The following C10orf105 variants were observed in gnomAD, a reference collection of about 807,000 sequenced individuals.
The protein encoded by C10orf105 is uncharacterized protein C10orf105.
Under a neutral mutation model 0.6 loss-of-function variants are expected in C10orf105, and 2 were observed. The observed-to-expected ratio is 3.18, with a 90% CI of 1.30 to 10.01. The LOEUF (loss-of-function observed/expected upper bound fraction) is 10.01. Among genes scored for constraint, C10orf105 ranks in the 30% most tolerant of loss-of-function variants. The probability of loss-of-function intolerance (pLI) is 0.04; values close to 1 mark genes in which losing one functional copy is unlikely to be tolerated. For synonymous variants in C10orf105, 95 were observed against 82.4 expected (o/e 1.15, Z -0.83); for missense variants, 209 against 191.4 (o/e 1.09, Z -0.54).
chr10:71,722,588 G>C (rs1448033524), upstream of C10orf105, among the ~76,000 whole-genome samples: 1 of 152,204 alleles, frequency 6.6e-6, no homozygotes, highest in African/African-American at 2.4e-5. Flanking sequence ...CTTCCTGTGG[G>C]GATATGGGCA....
Position 71,716,049 on chromosome 10 carries a change from G to A in C10orf105, c.289C>T (p.Arg97Cys), listed in dbSNP as rs376837205. 45 of 1,508,292 alleles carry A rather than the reference G, an allele frequency of 3.0e-5. No individual in the cohort carries two copies. The highest frequency in any genetic ancestry group is 2.8e-4 in the South Asian group (22 of 77,716). The allele number at this position is 1,508,292 out of a possible 1,614,324, so 93.4% of individuals were successfully genotyped here. ...LRLWKRLGSL[R>C]LSLHSFRHGR... Reference sequence around the variant, plus strand: ...TGGCGGAAGCTGTGCAGGGAGAGGCGCAAGGAGCCCAGGCGCTTCCAGAGC... The same window carrying A: ...TGGCGGAAGCTGTGCAGGGAGAGGCACAAGGAGCCCAGGCGCTTCCAGAGC... Residue 97 changes from arginine to cysteine, a missense_variant, in exon 2 of 2, where the codon CGC becomes TGC. Arg to Cys is a radical substitution (Grantham distance 180). Coordinates refer to ENST00000441508, the MANE Select transcript of C10orf105 (RefSeq NM_001164375.3).
chr10:71,734,496 C>A (rs192911878), intron 1 of C10orf105: 387 of 972,446 alleles, frequency 4.0e-4, no homozygotes, highest in Non-Finnish European at 4.6e-4. Context: ...CCATGCCACA[C>A]CTTCCCAGCA....
Position 71,713,728 on chromosome 10 carries a change from A to T in C10orf105, c.*2208T>A, listed in dbSNP as rs1866088627. On this transcript the variant is annotated 3_prime_UTR_variant, in exon 2 of 2. Transcript: ENST00000441508. ...CCCCCTGGCCTGGTGCCTGAAACCC[A>T]ATTGAGAGCCCTCCCCCTCCTGGAC... 1 of 168,070 alleles carries T rather than the reference A, an allele frequency of 5.9e-6. No homozygotes were observed. The highest frequency in any genetic ancestry group is 1.3e-5 in the Non-Finnish European group (1 of 77,334). 10.4% of individuals were successfully genotyped at this position (168,070 alleles called of 1,614,324 possible).
chr10:71,734,506 A>C, intron 1 of C10orf105: 1 of 1,575,820 alleles, frequency 6.3e-7, no homozygotes. Flanking sequence ...CCTTCCCAGC[A>C]GGTTGGGCTA....
At chr10:71,724,774 T>C (rs1024616126), upstream of C10orf105, among the ~76,000 whole-genome samples, 3 of 152,168 alleles carry the variant, frequency 2.0e-5, no homozygotes, top group African/African-American at 7.2e-5. Context: ...AACCAATCGC[T>C]ATGGCCAGAG....
chr10:71,712,591 A>C lies in C10orf105; in HGVS notation c.*3345T>G. 6.4e-7 allele frequency: 1 copy of C among 1,558,820 alleles called. No individual in the cohort carries two copies. The highest frequency in any genetic ancestry group is 8.8e-7 in the Non-Finnish European group (1 of 1,141,492). ...GGCACCTCTCTGGCCGGTGCCCGGG[A>C]GTGTGCAAAGTCACAGGAAGTGTGC... is the stretch of plus-strand genomic sequence containing the variant. On this transcript the variant is annotated 3_prime_UTR_variant, in exon 2 of 2. Transcript: ENST00000441508.
intron 1 of C10orf105, chr10:71,732,023 G>A (rs2132824512): frequency 6.2e-7 from 1 of 1,613,974 alleles, no homozygotes; most frequent in Non-Finnish European, 8.5e-7. Context: ...ATCCTGTCGG[G>A]CGCAGAGGGG....
chr10:71,723,972 A>G, upstream of C10orf105: 3 of 1,513,770 alleles, frequency 2.0e-6, no homozygotes, highest in African/African-American at 4.1e-5. Flanking sequence ...AGGGAAGGAA[A>G]GGAACTCTAA....
upstream of C10orf105, chr10:71,724,152 G>A (rs535136463): frequency 5.2e-6 from 8 of 1,542,652 alleles, no homozygotes; most frequent in African/African-American, 5.5e-5. Flanking sequence ...CTGCCCAGGG[G>A]AGGGCAGAGC....
chr10:71,727,003 G>A (rs966269117), intron 1 of C10orf105, among the ~76,000 whole-genome samples: 2 of 152,166 alleles, frequency 1.3e-5, no homozygotes, highest in Non-Finnish European at 2.9e-5. Context: ...GCAGGGGTGG[G>A]GCTCCCAGAG....
chr10:71,729,090 C>T (rs890595099), intron 1 of C10orf105, among the ~76,000 whole-genome samples: 1 of 152,172 alleles, frequency 6.6e-6, no homozygotes, highest in South Asian at 2.1e-4. Flanking sequence ...CCACTTCAAC[C>T]TCCCAAATTT....
chr10:71,737,404 C>G (rs939185715), intron 1 of C10orf105, among the ~76,000 whole-genome samples: 1 of 152,228 alleles, frequency 6.6e-6, no homozygotes, highest in Non-Finnish European at 1.5e-5. Context: ...GTTGGGTTGG[C>G]CTAGCTGCGA....
At chr10:71,728,259 G>C (rs923274704) in intron 1 of C10orf105, among the ~76,000 whole-genome samples, 2 of 149,912 alleles carry the variant, frequency 1.3e-5, no homozygotes, top group Non-Finnish European at 3.0e-5. Context: ...TTAGGTTCCA[G>C]CCTGTGAACA....
chr10:71,725,992 C>T (rs999697349), intron 1 of C10orf105, among the ~76,000 whole-genome samples: 9 of 151,390 alleles, frequency 5.9e-5, no homozygotes, highest in African/African-American at 2.2e-4. Context: ...CTAATATATT[C>T]CAGTCACCTC....
Position 71,713,167 on chromosome 10 carries a change from C to T in C10orf105, c.*2769G>A, listed in dbSNP as rs769832423. 12 of 779,148 alleles carry T rather than the reference C, an allele frequency of 1.5e-5. No homozygotes were observed. Among genetic ancestry groups the T allele is most frequent in the Admixed American group, 1.0e-4 (6 of 58,956 alleles). The allele number at this position is 779,148 out of a possible 1,614,324, so 48.3% of individuals were successfully genotyped here. The stretch of plus-strand genomic sequence containing the variant: ...AAGGAGTTGAGAAGAGAGCCAGGGC[C>T]CAGCAAGGCCCAGAACAGAGCTGCT... On this transcript the variant is annotated 3_prime_UTR_variant, in exon 2 of 2. Transcript: ENST00000441508.
At position 71,715,341 on chromosome 10, in the gene C10orf105, C is replaced by T. The variant is rs1316617540; in HGVS notation, c.*595G>A. On this transcript the variant is annotated 3_prime_UTR_variant, in exon 2 of 2. Transcript: ENST00000441508. ...TGGAGAGCCCTGTTTGCTCCTCCTC[C>T]CAGCTGGCACCCAGGCATCTGTTCC... The T allele has an allele frequency of 6.6e-6, 1 of 152,242 alleles. No individual in the cohort carries two copies. Among genetic ancestry groups the T allele is most frequent in the African/African-American group, 2.4e-5 (1 of 41,436 alleles). 9.4% of individuals were successfully genotyped at this position (152,242 alleles called of 1,614,324 possible). A position where few individuals can be genotyped will look rare whatever the true frequency, so the allele number is the denominator to read the frequency against.
chr10:71,735,547 T>C (rs553775383), intron 1 of C10orf105, among the ~76,000 whole-genome samples: 57 of 152,250 alleles, frequency 3.7e-4, no homozygotes, highest in African/African-American at 1.3e-3. Flanking sequence ...GCCAGTCACA[T>C]CAGCTACCAT....
At chr10:71,734,532 C>T in intron 1 of C10orf105, 6 of 1,603,542 alleles carry the variant, frequency 3.7e-6, no homozygotes, top group Non-Finnish European at 5.1e-6. Flanking sequence ...AGACCTCAGG[C>T]AGGTGGAGGG....
Position 71,732,215 on chromosome 10 carries a change from A to G in C10orf105, c.-6+5513T>C, listed in dbSNP as rs752989030. 1.3e-5 allele frequency: 21 copies of G among 1,613,664 alleles called. No individual in the cohort carries two copies. Among genetic ancestry groups the G allele is most frequent in the East Asian group, 2.2e-5 (1 of 44,888 alleles). ...CTGGACGAGGCCGTGCAGTTCTCCA[A>G]TGCCTCATACGAGGCTGCCATCCTG... is the stretch of plus-strand genomic sequence containing the variant. On this transcript the variant is annotated intron_variant, in intron 1 of 1. Transcript: ENST00000398786.
Sources: gnomAD v4.1 joint callset for allele counts (sites outside exome capture counted in the v4.1 genomes callset) on GRCh38, gnomAD v4.1.1 for gene constraint, MANE v1.5 for transcripts, NCBI Gene and HGNC (gene_info 2026-07-23, HGNC 2026-07-21) for gene names.